The following CARD9 variants were observed in gnomAD, a reference collection of about 807,000 sequenced individuals.
CARD9 encodes caspase recruitment domain family member 9, also known as caspase recruitment domain-containing protein 9.
Under a neutral mutation model 66.0 loss-of-function variants are expected in CARD9, and 53 were observed. That is an observed-to-expected ratio of 0.80 (90% CI 0.64 to 1.01). The LOEUF is 1.01. CARD9 is among the 50% of genes least tolerant of loss of function. The pLI is 0.00. For missense variants in CARD9, 769 were observed against 743.2 expected, an observed-to-expected ratio of 1.03 and a Z score of -0.40; for synonymous variants, 387 against 313.8, an observed-to-expected ratio of 1.23 and a Z score of -2.47.
intron 2 of CARD9, 135 bp from the exon 3 acceptor site, chr9:136,371,596 T>C: frequency 1.5e-6 from 2 of 1,344,560 alleles, no homozygotes; most frequent in South Asian, 2.8e-5. Flanking sequence ...TTGGATGAGG[T>C]ACCCTGCGGG....
At chr9:136,364,811 G>C in intron 11 of CARD9, 1 of 600,094 alleles carries the variant, frequency 1.7e-6, no homozygotes, top group Non-Finnish European at 3.0e-6. Flanking sequence ...TGGGGTCCGG[G>C]CCATTGTTTC....
At position 136,367,751 on chromosome 9, in the gene CARD9, C is replaced by A; in HGVS notation, c.1155G>T (p.Val385=). The A allele has an allele frequency of 6.2e-7, 1 of 1,605,514 alleles. No individual in the cohort carries two copies. The highest frequency in any genetic ancestry group is 1.1e-5 in the South Asian group (1 of 90,946). Residue 385 remains valine, a synonymous_variant, in exon 8 of 13, where the codon GTG becomes GTT. Coordinates refer to ENST00000371732, the MANE Select transcript of CARD9 (RefSeq NM_052813.5). ...LQEKDALRKQ[V]RELGEKADEL... ...CATCCGCCTTCTCGCCCAGCTCCCG[C>A]ACCTGCTTGCGCAGCGCGTCCTTCT... is the stretch of plus-strand genomic sequence containing the variant.
intron 2 of CARD9, 68 bp from the exon 3 acceptor site, chr9:136,371,529 T>TGGGGGGGGGGGGGGGGGGCCTG: frequency 2.0e-6 from 1 of 490,342 alleles, no homozygotes; most frequent in Non-Finnish European, 3.7e-6. Context: ...TGGGTGGGCC[T>TGGGGGGGGGGGGGGGGGGCCTG]GGGGGCAGGG....
In CARD9 at chr9:136,370,327, C is replaced by G; in HGVS notation, c.918G>C (p.Lys306Asn). 1 of 1,608,534 alleles carries G rather than the reference C, an allele frequency of 6.2e-7. No homozygotes were observed. The highest frequency in any genetic ancestry group is 1.1e-5 in the South Asian group (1 of 90,634). ...EQANTIFSLR[K>N]DLRQGEARRL... Reference sequence around the variant, plus strand: ...GTCGGGCCTCGCCCTGGCGGAGGTCCTTGCGCAGGGAGAAGATGGTGTTGG... The same window carrying G: ...GTCGGGCCTCGCCCTGGCGGAGGTCGTTGCGCAGGGAGAAGATGGTGTTGG... Residue 306 changes from lysine (K) to asparagine (N), a missense_variant, in exon 6 of 13, where the codon AAG becomes AAC. Lys to Asn is a moderately conservative substitution (Grantham distance 94, BLOSUM62 0). Transcript: ENST00000371732.
chr9:136,365,468 C>T (rs1833101384), intron 10 of CARD9: 5 of 564,924 alleles, frequency 8.9e-6, no homozygotes, highest in Non-Finnish European at 1.6e-5. Context: ...GACCATCCCT[C>T]CCCCGAGCTG....
intron 7 of CARD9, among the ~76,000 whole-genome samples, chr9:136,368,716 C>T (rs1033573107): frequency 6.6e-6 from 1 of 152,240 alleles, no homozygotes; most frequent in Non-Finnish European, 1.5e-5. Context: ...CCTTGCAGGC[C>T]TCACTCCCGT....
chr9:136,367,151 T>TGGCA (rs150285208), intron 9 of CARD9, 65 bp downstream of exon 9: 11 of 1,536,650 alleles, frequency 7.2e-6, no homozygotes, highest in Non-Finnish European at 9.8e-6. Context: ...CTATGCCTGG[T>TGGCA]GGCAGCTCAG....
intron 10 of CARD9, chr9:136,365,514 G>A (rs1170171123): frequency 3.2e-5 from 17 of 527,578 alleles, no homozygotes; most frequent in Non-Finnish European, 6.9e-6. Context: ...CCAGACCTCG[G>A]GGGAACTTAA....
intron 8 of CARD9, 35 bp from the exon 9 acceptor site, chr9:136,367,292 A>AGGGCAGAGGGCTCCCC: frequency 6.8e-7 from 1 of 1,467,824 alleles, no homozygotes; most frequent in Non-Finnish European, 9.5e-7. Context: ...GTGGGCTGTG[A>AGGGCAGAGGGCTCCCC]GGGCAGAGGG....
At chr9:136,365,648 T>G in intron 10 of CARD9, 1 of 204,058 alleles carries the variant, frequency 4.9e-6, no homozygotes, top group Non-Finnish European at 1.0e-5. Context: ...GGGGCAGGGG[T>G]ACTGCAGCAA....
At chr9:136,364,441 TCCCC>T in intron 12 of CARD9, 38 bp downstream of exon 12, 1 of 1,541,338 alleles carries the variant, frequency 6.5e-7, no homozygotes, top group South Asian at 1.2e-5. Context: ...CGGCTGCCGC[TCCCC>T]AGCCCGTTTT....
chr9:136,365,032 C>T (rs1401423647), intron 11 of CARD9, 109 bp downstream of exon 11: 1 of 1,043,614 alleles, frequency 9.6e-7, no homozygotes, highest in Admixed American at 1.9e-5. Context: ...CACTCCTCAG[C>T]TGTCGTCGGG....
At chr9:136,364,800 C>T (rs1833079256) in intron 11 of CARD9, 4 of 602,206 alleles carry the variant, frequency 6.6e-6, no homozygotes, top group South Asian at 2.0e-5. Context: ...CGGCTCCAGC[C>T]TGGGGTCCGG....
At chr9:136,365,422 G>A (rs939515317) in intron 10 of CARD9, 12 of 589,168 alleles carry the variant, frequency 2.0e-5, no homozygotes, top group East Asian at 1.4e-4. Flanking sequence ...CCAGGAGGCC[G>A]CCAGATGCCA....
In CARD9 at chr9:136,371,304, C is replaced by T; in HGVS notation, c.322+20G>A. 1.3e-6 allele frequency: 2 copies of T among 1,595,518 alleles called. No homozygotes were observed. The highest frequency in any genetic ancestry group is 1.7e-6 in the Non-Finnish European group (2 of 1,171,504). On this transcript the variant is annotated intron_variant, in intron 3 of 12. Coordinates refer to ENST00000371732, the MANE Select transcript of CARD9 (RefSeq NM_052813.5). The stretch of plus-strand genomic sequence containing the variant: ...CCCGCCAGCGCCTCCCCTGTCGGCC[C>T]CGCCTCCCCCGTCACTCACCGATGA...
chr9:136,372,498 C>T (rs1396098475), intron 1 of CARD9, among the ~76,000 whole-genome samples: 2 of 152,242 alleles, frequency 1.3e-5, no homozygotes, highest in African/African-American at 4.8e-5. Flanking sequence ...GCAAGGTTAG[C>T]CACCTCCATG....
At chr9:136,368,075 C>T (rs976539237) in intron 7 of CARD9, 198 of 1,355,064 alleles carry the variant, frequency 1.5e-4, no homozygotes, top group Middle Eastern at 5.6e-4. Flanking sequence ...GTGGACACAG[C>T]GTGTGCTATG....
chr9:136,365,645 G>T, intron 10 of CARD9: 1 of 207,314 alleles, frequency 4.8e-6, no homozygotes, highest in African/African-American at 2.3e-5. Context: ...GTGGGGGCAG[G>T]GGTACTGCAG....
At chr9:136,368,314 T>C (rs1833176303) in intron 7 of CARD9, among the ~76,000 whole-genome samples, 1 of 152,218 alleles carries the variant, frequency 6.6e-6, no homozygotes, top group South Asian at 2.1e-4. Context: ...GAGCAACGGC[T>C]GGCAGCTTCC....
Sources: allele counts gnomAD v4.1 joint callset (sites outside exome capture counted in the v4.1 genomes callset), GRCh38; gene constraint gnomAD v4.1.1; transcripts MANE v1.5; gene names NCBI Gene and HGNC (gene_info 2026-07-23, HGNC 2026-07-21).